FRMD6: variants seen among roughly 807,000 people sequenced by gnomAD.
FRMD6 encodes FERM domain-containing protein 6.
FRMD6 carries 37 observed loss-of-function variants against 73.2 expected under a neutral mutation model. That is an observed-to-expected ratio of 0.51 (90% CI 0.39 to 0.66). The LOEUF is 0.66. Among genes scored for constraint, FRMD6 ranks in the 30% least tolerant of loss-of-function variants. FRMD6 has a pLI of 0.00. For synonymous variants in FRMD6, 273 were observed against 282.2 expected (o/e 0.97, Z 0.33); for missense variants, 714 against 780.5 (o/e 0.91, Z 1.02).
intron 1 of FRMD6, among the ~76,000 whole-genome samples, chr14:51,524,089 C>A (rs934017317): frequency 6.6e-6 from 1 of 152,144 alleles, no homozygotes; most frequent in African/African-American, 2.4e-5. Context: ...TACACAATAT[C>A]TCATATCTTA....
intron 2 of FRMD6, among the ~76,000 whole-genome samples, chr14:51,628,481 C>G (rs1891197863): frequency 6.6e-6 from 1 of 152,080 alleles, no homozygotes; most frequent in African/African-American, 2.4e-5. Context: ...CCCAGCCAAC[C>G]ATTAATGTAC....
chr14:51,710,098 A>C (rs576614871), intron 7 of FRMD6, among the ~76,000 whole-genome samples: 6 of 152,200 alleles, frequency 3.9e-5, no homozygotes, highest in Non-Finnish European at 2.9e-5. Context: ...GTTGAAGTAG[A>C]TATCCCCAAT....
At chr14:51,549,591 CTTTCTTTTTTT>C (rs1248238241) in intron 1 of FRMD6, among the ~76,000 whole-genome samples, 4 of 93,620 alleles carry the variant, frequency 4.3e-5, no homozygotes, top group Non-Finnish European at 8.0e-5. Context: ...CTTTTTTTTT[CTTTCTTTTTTT>C]TTTTTTTTTT....
At chr14:51,426,250 A>T in the FRMD6 span, among the ~76,000 whole-genome samples, 61 of 152,224 alleles carry the variant, frequency 4.0e-4, 2 homozygotes, top group Middle Eastern at 0.02. Flanking sequence ...GGCAATCAAG[A>T]TATCCTGATT....
the FRMD6 span, among the ~76,000 whole-genome samples, chr14:51,407,777 T>C: frequency 6.6e-6 from 1 of 152,152 alleles, no homozygotes; most frequent in Non-Finnish European, 1.5e-5. Context: ...TGTCATCTCA[T>C]TATGATTGTA....
chr14:51,445,949 T>A, the FRMD6 span, among the ~76,000 whole-genome samples: 1 of 152,254 alleles, frequency 6.6e-6, no homozygotes, highest in Non-Finnish European at 1.5e-5. Context: ...TTTGCATACC[T>A]GTGTTGTAGA....
intron 2 of FRMD6, among the ~76,000 whole-genome samples, chr14:51,690,700 T>A (rs1355783412): frequency 1.3e-5 from 2 of 152,170 alleles, no homozygotes; most frequent in Non-Finnish European, 2.9e-5. Flanking sequence ...CTTTTTAATA[T>A]GCATCTTGAT....
At chr14:51,421,753 G>A in the FRMD6 span, among the ~76,000 whole-genome samples, 1 of 152,246 alleles carries the variant, frequency 6.6e-6, no homozygotes, top group Admixed American at 6.5e-5. Flanking sequence ...TTTCCAGGCA[G>A]TCTCTGCCCT....
chr14:51,691,588 A>ATTTTTTTTTTTTTTTTTT (rs758677611), intron 2 of FRMD6, among the ~76,000 whole-genome samples: 3 of 75,148 alleles, frequency 4.0e-5, no homozygotes, highest in Non-Finnish European at 8.4e-5. Flanking sequence ...TTTGATTTTG[A>ATTTTTTTTTTTTTTTTTT]TTTTTTTTTT....
At chr14:51,582,848 C>T (rs1888805113) in intron 2 of FRMD6, among the ~76,000 whole-genome samples, 1 of 152,092 alleles carries the variant, frequency 6.6e-6, no homozygotes, top group South Asian at 2.1e-4. Flanking sequence ...CCCTTTGGTA[C>T]ATTAGTGAGA....
the FRMD6 span, among the ~76,000 whole-genome samples, chr14:51,416,352 G>A: frequency 6.6e-6 from 1 of 152,190 alleles, no homozygotes; most frequent in African/African-American, 2.4e-5. Flanking sequence ...GGTATGTTGT[G>A]TCTTTGTTCT....
chr14:51,713,197 C>T (rs1438995559), intron 9 of FRMD6, among the ~76,000 whole-genome samples: 1 of 152,132 alleles, frequency 6.6e-6, no homozygotes, highest in Non-Finnish European at 1.5e-5. Flanking sequence ...TGGCTCACTC[C>T]TATAATCCCA....
At chr14:51,697,314 A>C (rs1174305138) in intron 2 of FRMD6, among the ~76,000 whole-genome samples, 1 of 152,194 alleles carries the variant, frequency 6.6e-6, no homozygotes, top group African/African-American at 2.4e-5. Flanking sequence ...ACATACACAC[A>C]GTGGAACACA....
chr14:51,514,020 C>G (rs1350783876), intron 1 of FRMD6, among the ~76,000 whole-genome samples: 1 of 152,192 alleles, frequency 6.6e-6, no homozygotes, highest in African/African-American at 2.4e-5. Context: ...AGGATTAAAT[C>G]AGATTATGTA....
chr14:51,601,330 G>C (rs549762120), intron 2 of FRMD6, among the ~76,000 whole-genome samples: 1 of 152,238 alleles, frequency 6.6e-6, no homozygotes, highest in Non-Finnish European at 1.5e-5. Flanking sequence ...CTGCCCCAGG[G>C]GTGTAGGATG....
At chr14:51,417,406 T>C in the FRMD6 span, among the ~76,000 whole-genome samples, 7 of 152,344 alleles carry the variant, frequency 4.6e-5, no homozygotes, top group South Asian at 2.1e-4. Context: ...CTCCTTCACT[T>C]ATGAAGCTTA....
At chr14:51,466,877 ATCTT>A in the FRMD6 span, among the ~76,000 whole-genome samples, 10 of 152,210 alleles carry the variant, frequency 6.6e-5, no homozygotes, top group Non-Finnish European at 1.3e-4. Context: ...AATGTGGGAT[ATCTT>A]TCTATTTTAG....
intron 9 of FRMD6, 73 bp from the exon 10 acceptor site, chr14:51,715,252 A>G: frequency 8.6e-7 from 1 of 1,162,094 alleles, no homozygotes; most frequent in South Asian, 1.9e-5. Flanking sequence ...TCCTTACTAA[A>G]TAGGAAACAA....
chr14:51,701,019 T>G, intron 3 of FRMD6, 37 bp from the exon 4 acceptor site: 1 of 1,048,920 alleles, frequency 9.5e-7, no homozygotes, highest in Non-Finnish European at 1.4e-6. Flanking sequence ...TAAAAATCCT[T>G]TCTTTAGCAT....
Sources: allele counts gnomAD v4.1 joint callset (sites outside exome capture counted in the v4.1 genomes callset), GRCh38; gene constraint gnomAD v4.1.1; transcripts MANE v1.5; gene names NCBI Gene and HGNC (gene_info 2026-07-23, HGNC 2026-07-21).